ITGB5: variants seen among roughly 807,000 people sequenced by gnomAD.
ITGB5 encodes the protein integrin subunit beta 5.
ITGB5 carries 38 observed loss-of-function variants against 84.8 expected under a neutral mutation model. The ratio of observed to expected loss-of-function variants is 0.45; its 90% CI spans 0.35 to 0.59. The LOEUF (loss-of-function observed/expected upper bound fraction) is 0.59. Ranked by LOEUF, ITGB5 falls within the 20% of genes least tolerant of loss-of-function variation. ITGB5 has a pLI of 0.01. For missense variants in ITGB5, 905 were observed against 1,034.5 expected, an observed-to-expected ratio of 0.87 and a Z score of 1.72; for synonymous variants, 393 against 414.4, an observed-to-expected ratio of 0.95 and a Z score of 0.63.
intron 10 of ITGB5, among the ~76,000 whole-genome samples, chr3:124,785,522 T>C (rs1238785123): frequency 6.7e-6 from 1 of 150,140 alleles, no homozygotes; most frequent in Admixed American, 6.6e-5. Flanking sequence ...GAGGCAGAGG[T>C]TGCAGTGAGC....
intron 2 of ITGB5, among the ~76,000 whole-genome samples, chr3:124,861,079 A>C (rs1049043718): frequency 2.0e-5 from 3 of 151,620 alleles, no homozygotes; most frequent in Admixed American, 6.6e-5. Flanking sequence ...AAAACAAAAA[A>C]CAAACACAAA....
intron 1 of ITGB5, among the ~76,000 whole-genome samples, chr3:124,897,955 G>A (rs1310525125): frequency 6.6e-6 from 1 of 152,112 alleles, no homozygotes; most frequent in African/African-American, 2.4e-5. Flanking sequence ...GATGTGGGGG[G>A]AAATGAGGTG....
At chr3:124,778,268 T>C (rs1263793250) in intron 10 of ITGB5, among the ~76,000 whole-genome samples, 2 of 152,236 alleles carry the variant, frequency 1.3e-5, no homozygotes, top group Admixed American at 1.3e-4. Flanking sequence ...GATAGCCAAA[T>C]GGACAGGAAG....
At chr3:124,809,421 C>A in intron 8 of ITGB5, 1 of 418,292 alleles carries the variant, frequency 2.4e-6, no homozygotes, top group Middle Eastern at 6.6e-4. Context: ...ATGATATTAT[C>A]TGCTTCAAAC....
intron 10 of ITGB5, among the ~76,000 whole-genome samples, chr3:124,782,384 T>C (rs745732561): frequency 2.6e-5 from 4 of 152,144 alleles, no homozygotes; most frequent in African/African-American, 4.8e-5. Context: ...CGGAGTCCAC[T>C]ACAGCCGAGA....
intron 2 of ITGB5, among the ~76,000 whole-genome samples, chr3:124,872,930 C>G (rs1225698482): frequency 2.6e-5 from 4 of 152,118 alleles, no homozygotes; most frequent in Non-Finnish European, 5.9e-5. Flanking sequence ...TACCAATAGC[C>G]TAACATTGTC....
chr3:124,814,495 GAGAC>G (rs201452252), intron 8 of ITGB5, among the ~76,000 whole-genome samples: 1,979 of 143,586 alleles, frequency 0.014, 35 homozygotes, highest in South Asian at 0.048. Context: ...AAAAAAAAAA[GAGAC>G]AGAGTCTCAC....
At chr3:124,867,002 T>G (rs1370785337) in intron 2 of ITGB5, among the ~76,000 whole-genome samples, 1 of 152,216 alleles carries the variant, frequency 6.6e-6, no homozygotes, top group African/African-American at 2.4e-5. Context: ...GTGAGCTGGA[T>G]TGAATATTGA....
chr3:124,901,137 A>C (rs966151645), intron 1 of ITGB5: 1 of 152,236 alleles, frequency 6.6e-6, no homozygotes, highest in Non-Finnish European at 1.5e-5. Flanking sequence ...CACACCTGTA[A>C]TCCCAGCACT....
intron 10 of ITGB5, among the ~76,000 whole-genome samples, chr3:124,784,287 AG>A (rs2064048853): frequency 6.6e-6 from 1 of 152,112 alleles, no homozygotes; most frequent in Admixed American, 6.5e-5. Context: ...CTGAGGTGGG[AG>A]GATCCCTTGA....
intron 5 of ITGB5, among the ~76,000 whole-genome samples, chr3:124,835,483 T>C (rs1372620062): frequency 1.3e-5 from 2 of 152,208 alleles, no homozygotes; most frequent in Non-Finnish European, 2.9e-5. Flanking sequence ...TCCAATACTT[T>C]AATGGTGCTT....
At chr3:124,863,508 CCTTT>C (rs1473944385) in intron 2 of ITGB5, among the ~76,000 whole-genome samples, 3 of 152,098 alleles carry the variant, frequency 2.0e-5, no homozygotes, top group Non-Finnish European at 2.9e-5. Context: ...TCCATGTGTT[CCTTT>C]CTAAGTATTT....
At chr3:124,869,240 C>T (rs1464636148) in intron 2 of ITGB5, among the ~76,000 whole-genome samples, 1 of 152,150 alleles carries the variant, frequency 6.6e-6, no homozygotes, top group African/African-American at 2.4e-5. Flanking sequence ...AGAAGGCACC[C>T]AGCCACACTT....
At chr3:124,791,429 G>A (rs1164114619) in intron 10 of ITGB5, 1 of 152,214 alleles carries the variant, frequency 6.6e-6, no homozygotes, top group African/African-American at 2.4e-5. Context: ...TGCTCATTTT[G>A]ATGATGGATA....
rs142360922 is a variant in ITGB5, at chr3:124,864,638, G to T, written c.157-5192C>A. Among the ~76,000 whole-genome samples the T allele has an allele frequency of 9.9e-3, 1,511 of 152,130 alleles. 9 individuals are homozygous for T. The highest frequency in any genetic ancestry group is 0.016 in the Non-Finnish European group (1,112 of 67,996). On this transcript the variant is annotated intron_variant, in intron 2 of 14. Transcript: ENST00000296181. ...TACTGTGAACTACTGGGACAGGAGA[G>T]TTTATGGGTCGAAAAACTACTTAAT... is the stretch of plus-strand genomic sequence containing the variant.
intron 10 of ITGB5, among the ~76,000 whole-genome samples, chr3:124,783,312 A>AAAG (rs2064033243): frequency 6.8e-6 from 1 of 147,550 alleles, no homozygotes. Context: ...AAAAAAAAAA[A>AAAG]AGAGAGAGAG....
At chr3:124,782,791 G>A (rs1292242132) in intron 10 of ITGB5, among the ~76,000 whole-genome samples, 2 of 152,072 alleles carry the variant, frequency 1.3e-5, no homozygotes, top group African/African-American at 4.8e-5. Context: ...CCAGGAGGTG[G>A]AGGAGGTTGC....
chr3:124,887,740 A>G (rs1380105183), upstream of ITGB5: 1 of 448,856 alleles, frequency 2.2e-6, no homozygotes, highest in Non-Finnish European at 4.5e-6. Flanking sequence ...AGACTGCGAG[A>G]GGGAGAGCAG....
At chr3:124,808,156 G>A (rs1030352767) in intron 9 of ITGB5, among the ~76,000 whole-genome samples, 7 of 152,014 alleles carry the variant, frequency 4.6e-5, no homozygotes, top group Non-Finnish European at 7.4e-5. Context: ...GCTTATATCC[G>A]CCTTGGCCGT....
Sources: allele counts gnomAD v4.1 joint callset (sites outside exome capture counted in the v4.1 genomes callset), GRCh38; gene constraint gnomAD v4.1.1; transcripts MANE v1.5; gene names NCBI Gene and HGNC (gene_info 2026-07-23, HGNC 2026-07-21).